The following SLC24A2 variants were observed in gnomAD, a reference collection of about 807,000 sequenced individuals.
The protein encoded by SLC24A2 is solute carrier family 24 member 2.
A neutral mutation model predicts 62.0 loss-of-function variants in SLC24A2; 36 were observed. The ratio of observed to expected loss-of-function variants is 0.58; its 90% CI spans 0.44 to 0.77. The LOEUF (loss-of-function observed/expected upper bound fraction) is 0.77. SLC24A2 is among the 30% of genes least tolerant of loss of function. The pLI, the probability that SLC24A2 is intolerant of heterozygous loss-of-function variation, is 0.00. For synonymous variants in SLC24A2, 358 were observed against 294.0 expected (o/e 1.22, Z -2.23); for missense variants, 846 against 817.9 (o/e 1.03, Z -0.42).
chr9:20,277,694 C>T, the SLC24A2 span, among the ~76,000 whole-genome samples: 1 of 152,132 alleles, frequency 6.6e-6, no homozygotes, highest in African/African-American at 2.4e-5. Flanking sequence ...CCTCAGGGAT[C>T]TAGAACTAGA....
At chr9:19,971,448 G>A in the SLC24A2 span, among the ~76,000 whole-genome samples, 2 of 152,158 alleles carry the variant, frequency 1.3e-5, no homozygotes, top group Admixed American at 6.5e-5. Flanking sequence ...GCTACAGTAG[G>A]GATATGTGTT....
chr9:20,197,270 G>T, the SLC24A2 span, among the ~76,000 whole-genome samples: 1 of 152,132 alleles, frequency 6.6e-6, no homozygotes, highest in African/African-American at 2.4e-5. Context: ...TCCAAACTTA[G>T]TTGGATCAAT....
At chr9:20,208,081 G>A in the SLC24A2 span, among the ~76,000 whole-genome samples, 43 of 152,236 alleles carry the variant, frequency 2.8e-4, 1 homozygote, top group African/African-American at 9.9e-4. Context: ...AAGTGTAAAT[G>A]GTCAGCAAGA....
At chr9:20,059,867 G>A in the SLC24A2 span, among the ~76,000 whole-genome samples, 1 of 151,982 alleles carries the variant, frequency 6.6e-6, no homozygotes, top group Non-Finnish European at 1.5e-5. Context: ...ACCAAAAGTT[G>A]GTTGTTTGAA....
At chr9:19,557,262 T>C (rs993387826) in intron 7 of SLC24A2, among the ~76,000 whole-genome samples, 1 of 152,146 alleles carries the variant, frequency 6.6e-6, no homozygotes, top group African/African-American at 2.4e-5. Flanking sequence ...CCCATTAAAA[T>C]AAAAGCTAGG....
the SLC24A2 span, among the ~76,000 whole-genome samples, chr9:20,228,410 GA>G: frequency 6.6e-6 from 1 of 152,066 alleles, no homozygotes; most frequent in Non-Finnish European, 1.5e-5. Flanking sequence ...TACACACCCA[GA>G]GAAGGAACAC....
chr9:19,934,651 G>T, the SLC24A2 span, among the ~76,000 whole-genome samples: 1 of 152,212 alleles, frequency 6.6e-6, no homozygotes, highest in Non-Finnish European at 1.5e-5. This position sits in a 1 kb window ranked among gnomAD's most constrained non-coding sequence, Gnocchi z 4.1. Flanking sequence ...TTTCCTTTGG[G>T]GGTTTCATTC....
intron 2 of SLC24A2, among the ~76,000 whole-genome samples, chr9:19,684,135 C>T (rs139230770): frequency 9.2e-5 from 14 of 152,246 alleles, no homozygotes; most frequent in African/African-American, 3.4e-4. Context: ...TTTCAGGATG[C>T]CCCTGCAGGG....
At chr9:20,207,441 T>C in the SLC24A2 span, among the ~76,000 whole-genome samples, 1 of 150,756 alleles carries the variant, frequency 6.6e-6, no homozygotes, top group Non-Finnish European at 1.5e-5. Flanking sequence ...ACACACTCTA[T>C]ACAGGTCTAA....
the SLC24A2 span, among the ~76,000 whole-genome samples, chr9:20,201,145 G>A: frequency 2.6e-5 from 4 of 152,188 alleles, no homozygotes; most frequent in African/African-American, 9.7e-5. Context: ...GCATGCTCCA[G>A]ACACTGGGGA....
chr9:20,278,693 G>A, the SLC24A2 span, among the ~76,000 whole-genome samples: 1 of 152,190 alleles, frequency 6.6e-6, no homozygotes, highest in African/African-American at 2.4e-5. Flanking sequence ...TGTCTTCGGA[G>A]CCCTCCAAGT....
At chr9:20,167,514 C>T in the SLC24A2 span, among the ~76,000 whole-genome samples, 2 of 152,024 alleles carry the variant, frequency 1.3e-5, no homozygotes, top group East Asian at 3.9e-4. Flanking sequence ...CAGATAAAGA[C>T]CTAGAAGCAA....
At chr9:19,819,237 A>G in the SLC24A2 span, among the ~76,000 whole-genome samples, 4 of 152,228 alleles carry the variant, frequency 2.6e-5, no homozygotes, top group Non-Finnish European at 5.9e-5. Flanking sequence ...ACCTAAAACT[A>G]TAAAAATTCT....
rs1258366286 is a variant in SLC24A2, at chr9:19,515,684, A to G, written c.*469T>C. On this transcript the variant is annotated 3_prime_UTR_variant, in exon 11 of 11. Transcript: ENST00000341998. ...AAAAGATGCATTTGTACTTTTATAT[A>G]TATCTGATTTTATATATATATATAT... 6.6e-6 allele frequency: 1 copy of G among 151,866 alleles called. No homozygotes were observed. The highest frequency in any genetic ancestry group is 2.1e-4 in the South Asian group (1 of 4,824). 9.4% of individuals were successfully genotyped at this position (151,866 alleles called of 1,614,324 possible).
chr9:19,528,070 C>G lies in SLC24A2; in HGVS notation c.1548G>C (p.Leu516Phe). The change falls in exon 9 of 11, where the codon TTG (leucine) becomes TTC (phenylalanine). Residue 516 changes from leucine to phenylalanine, a missense_variant. Physicochemically the swap from Leu to Phe is conservative, Grantham distance 22 (BLOSUM62 0). Transcript: ENST00000341998. ...SITWIAVFSY[L>F]MVWWAHQVGE... ...TTACCTGGTGCGCCCACCAGACCAT[C>G]AAGTAAGAGAATACTGCAATCCAGG... 5.6e-6 allele frequency: 9 copies of G among 1,595,892 alleles called. No individual in the cohort carries two copies. The highest frequency in any genetic ancestry group is 6.8e-6 in the Non-Finnish European group (8 of 1,170,374).
At chr9:19,646,461 C>T (rs918188970) in intron 2 of SLC24A2, among the ~76,000 whole-genome samples, 1 of 152,146 alleles carries the variant, frequency 6.6e-6, no homozygotes, top group African/African-American at 2.4e-5. Flanking sequence ...TTCTCTAAAG[C>T]TCTGAATGCT....
At chr9:20,162,845 T>A in the SLC24A2 span, among the ~76,000 whole-genome samples, 66 of 152,218 alleles carry the variant, frequency 4.3e-4, no homozygotes, top group African/African-American at 1.5e-3. Flanking sequence ...ACAATAAATG[T>A]AATCCAGCAC....
chr9:19,969,753 T>C, the SLC24A2 span, among the ~76,000 whole-genome samples: 181 of 152,298 alleles, frequency 1.2e-3, 1 homozygote, highest in South Asian at 3.5e-3. Flanking sequence ...ACTTCAAATA[T>C]TAAAGATCAT....
At chr9:19,963,590 T>C in the SLC24A2 span, among the ~76,000 whole-genome samples, 23 of 152,204 alleles carry the variant, frequency 1.5e-4, no homozygotes, top group Non-Finnish European at 3.1e-4. Flanking sequence ...AAAGAAGACA[T>C]TTATGCAGCC....
Sources: gnomAD v4.1 joint callset for allele counts (sites outside exome capture counted in the v4.1 genomes callset) on GRCh38, gnomAD v4.1.1 for gene constraint, Gnocchi (gnomAD v3.1) non-coding constraint, MANE v1.5 for transcripts, NCBI Gene and HGNC (gene_info 2026-07-23, HGNC 2026-07-21) for gene names.